RNF122: variants seen among roughly 807,000 people sequenced by gnomAD.
RNF122 encodes ring finger protein 122.
In RNF122, 17 loss-of-function variants were observed where a neutral mutation model predicts 24.2. The observed-to-expected ratio is 0.70, with a 90% CI of 0.48 to 1.06. The LOEUF is 1.06. RNF122 is among the 50% of genes least tolerant of loss of function. The pLI is 0.00. For synonymous variants in RNF122, 65 were observed against 71.8 expected (o/e 0.91, Z 0.48); for missense variants, 168 against 198.1 (o/e 0.85, Z 0.91).
intron 2 of RNF122, among the ~76,000 whole-genome samples, chr8:33,556,026 CAAA>C (rs1810446159): frequency 6.6e-6 from 1 of 151,636 alleles, no homozygotes; most frequent in Non-Finnish European, 1.5e-5. Context: ...AAATTATCCA[CAAA>C]AAATTAAAAA....
chr8:33,553,906 C>A (rs1028991628), intron 2 of RNF122, among the ~76,000 whole-genome samples: 1 of 152,352 alleles, frequency 6.6e-6, no homozygotes, highest in East Asian at 1.9e-4. Context: ...GGCACTGGGG[C>A]AGCCCATCCA....
At chr8:33,559,674 C>T (rs1012301833) in intron 1 of RNF122, among the ~76,000 whole-genome samples, 3 of 152,122 alleles carry the variant, frequency 2.0e-5, no homozygotes, top group African/African-American at 7.2e-5. Flanking sequence ...CAGAAAGTGG[C>T]GATGGGGGTG....
At chr8:33,561,188 G>C (rs971061156) in intron 1 of RNF122, among the ~76,000 whole-genome samples, 1 of 152,064 alleles carries the variant, frequency 6.6e-6, no homozygotes, top group Non-Finnish European at 1.5e-5. Flanking sequence ...AGCTCCAAAG[G>C]GTTCTCTGTA....
At chr8:33,553,113 A>G (rs1208135717) in intron 2 of RNF122, among the ~76,000 whole-genome samples, 3 of 147,642 alleles carry the variant, frequency 2.0e-5, no homozygotes, top group African/African-American at 7.5e-5. Context: ...TATGTGTGCT[A>G]TGGGGGAACC....
At chr8:33,558,870 CA>C in intron 1 of RNF122, 99 bp from the exon 2 acceptor site, 1 of 899,392 alleles carries the variant, frequency 1.1e-6, no homozygotes, top group Non-Finnish European at 1.6e-6. Flanking sequence ...AGGCTCTGGG[CA>C]CCTAAGCCTC....
At chr8:33,549,772 C>T (rs1810342946) in intron 4 of RNF122, among the ~76,000 whole-genome samples, 1 of 134,062 alleles carries the variant, frequency 7.5e-6, no homozygotes, top group Non-Finnish European at 1.5e-5. Flanking sequence ...TATTGAATGG[C>T]ATGGATATAG....
chr8:33,551,106 T>C (rs764956763), intron 3 of RNF122, 21 bp from the exon 4 acceptor site: 2 of 1,613,912 alleles, frequency 1.2e-6, no homozygotes, highest in Non-Finnish European at 1.7e-6. Context: ...AGAGGAGGCA[T>C]GATGTCCAAA....
At chr8:33,557,386 T>A (rs1455864241) in intron 2 of RNF122, among the ~76,000 whole-genome samples, 1 of 152,084 alleles carries the variant, frequency 6.6e-6, no homozygotes, top group African/African-American at 2.4e-5. Context: ...TCCCAGCACT[T>A]TGGGAGGCCG....
intron 5 of RNF122, 112 bp from the exon 6 acceptor site, chr8:33,548,979 G>A (rs1205906276): frequency 1.3e-6 from 1 of 780,126 alleles, no homozygotes; most frequent in African/African-American, 1.7e-5. Flanking sequence ...CCAGCACTTT[G>A]GGAGGCTGAG....
At position 33,548,699 on chromosome 8, in the gene RNF122, C is replaced by T; in HGVS notation, c.*54G>A. ...TGTTGGTTGGAGCTGTGCAGAGGGACCAGACATCCATGAGGCAAGAGGTCT... is the reference window on the plus strand; with the variant it reads ...TGTTGGTTGGAGCTGTGCAGAGGGATCAGACATCCATGAGGCAAGAGGTCT... On this transcript the variant is annotated 3_prime_UTR_variant, in exon 6 of 6. Transcript: ENST00000256257. 9.2e-7 allele frequency: 1 copy of T among 1,091,136 alleles called. No homozygotes were observed. 67.6% of individuals were successfully genotyped at this position (1,091,136 alleles called of 1,614,324 possible). A position where few individuals can be genotyped will look rare whatever the true frequency, so the allele number is the denominator to read the frequency against.
rs577365814 is a variant in RNF122, at chr8:33,566,463, C to G, written c.25+236G>C. Among the ~76,000 whole-genome samples, 22 of 152,294 alleles carry G rather than the reference C, an allele frequency of 1.4e-4. No individual in the cohort carries two copies. In the South Asian group the frequency reaches 3.7e-3, roughly 26 times the overall value. On this transcript the variant is annotated intron_variant, in intron 1 of 5. Transcript: ENST00000256257. ...GGCCGGGAACCCCTCGGCTCCCACG[C>G]CCCCGGCCCGCCGCCAGTCCGGAGG...
At chr8:33,551,124 C>T (rs751011991) in intron 3 of RNF122, 39 bp from the exon 4 acceptor site, 24 of 1,610,904 alleles carry the variant, frequency 1.5e-5, no homozygotes, top group Middle Eastern at 1.6e-4. Flanking sequence ...AAAGAAGAAC[C>T]AACCACTGGG....
chr8:33,552,784 T>G (rs1346023825), intron 2 of RNF122, among the ~76,000 whole-genome samples: 1 of 151,834 alleles, frequency 6.6e-6, no homozygotes, highest in Admixed American at 6.6e-5. Context: ...GTGGGTTGGG[T>G]GGGATGGCTC....
chr8:33,548,946 C>A (rs973573861), intron 5 of RNF122, 79 bp from the exon 6 acceptor site: 17 of 1,018,374 alleles, frequency 1.7e-5, no homozygotes, highest in Non-Finnish European at 2.2e-5. Flanking sequence ...AAGAATATCC[C>A]GTGGTGGCTC....
Position 33,564,547 on chromosome 8 carries a change from T to C in RNF122, c.25+2152A>G, listed in dbSNP as rs376336906. 6.7e-5 allele frequency among the ~76,000 whole-genome samples: 10 copies of C among 150,092 alleles called. No individual in the cohort carries two copies. In the South Asian group the frequency reaches 1.9e-3, roughly 28 times the overall value. ...CTGATCGTGCCACTGCACTCCAGCA[T>C]GGTTGTCGGAGTGAGACCCTCTCTC... On this transcript the variant is annotated intron_variant, in intron 1 of 5. Transcript: ENST00000256257.
intron 2 of RNF122, among the ~76,000 whole-genome samples, chr8:33,552,510 T>C (rs1810391664): frequency 6.6e-6 from 1 of 152,222 alleles, no homozygotes; most frequent in Non-Finnish European, 1.5e-5. Flanking sequence ...TGAATCAAAG[T>C]TGGTGTGATG....
intron 2 of RNF122, among the ~76,000 whole-genome samples, chr8:33,555,546 AT>A (rs1354943866): frequency 6.6e-6 from 1 of 152,222 alleles, no homozygotes; most frequent in African/African-American, 2.4e-5. Flanking sequence ...GAAATCAGCA[AT>A]TCACAGCTCT....
chr8:33,551,404 A>C lies in RNF122; in HGVS notation c.183-15T>G, dbSNP rs1364022602. 1.9e-6 allele frequency: 3 copies of C among 1,614,048 alleles called. No individual in the cohort carries two copies. Among genetic ancestry groups the C allele is most frequent in the African/African-American group, 1.3e-5 (1 of 75,054 alleles). Reference sequence around the variant, plus strand: ...TCCGCAGTTTGCTGGGAGAAAGAGAAAAAAATTAGAGAAAGCAGGTTAAAT... The same window carrying C: ...TCCGCAGTTTGCTGGGAGAAAGAGACAAAAATTAGAGAAAGCAGGTTAAAT... On this transcript the variant is annotated splice_polypyrimidine_tract_variant and intron_variant, in intron 2 of 5. Transcript: ENST00000256257.
intron 1 of RNF122, among the ~76,000 whole-genome samples, chr8:33,560,544 CT>C (rs1232358770): frequency 1.3e-5 from 2 of 150,436 alleles, no homozygotes; most frequent in African/African-American, 5.0e-5. Context: ...CCGGCAGGTT[CT>C]TTTTTTCCTT....
Sources: gnomAD v4.1 joint callset for allele counts (sites outside exome capture counted in the v4.1 genomes callset) on GRCh38, gnomAD v4.1.1 for gene constraint, MANE v1.5 for transcripts, NCBI Gene and HGNC (gene_info 2026-07-23, HGNC 2026-07-21) for gene names.